Variants in PACRG observed in about 807,000 individuals in gnomAD.
PACRG encodes parkin coregulated gene protein.
Under a neutral mutation model 29.7 loss-of-function variants are expected in PACRG, and 29 were observed. The ratio of observed to expected loss-of-function variants is 0.98; its 90% CI spans 0.73 to 1.33. PACRG has a LOEUF of 1.33. Among genes scored for constraint, PACRG ranks in the 40% most tolerant of loss-of-function variants. The pLI, the probability that PACRG is intolerant of heterozygous loss-of-function variation, is 0.00. For missense variants in PACRG, 279 were observed against 316.2 expected, an observed-to-expected ratio of 0.88 and a Z score of 0.89; for synonymous variants, 116 against 118.7, an observed-to-expected ratio of 0.98 and a Z score of 0.15.
chr6:163,309,831 G>A lies in PACRG; in HGVS notation c.614-4996G>A, dbSNP rs150741881. Reference sequence around the variant, plus strand: ...TTCCCTTTGAGAGTGCGATGCTGCCGCTTCAGCCAGGACGTTCTCAAAATT... The same window carrying A: ...TTCCCTTTGAGAGTGCGATGCTGCCACTTCAGCCAGGACGTTCTCAAAATT... On this transcript the variant is annotated intron_variant, in intron 4 of 4. Coordinates refer to ENST00000366888, the MANE Select transcript of PACRG (RefSeq NM_001080379.2). Among the ~76,000 whole-genome samples, 3 of 152,282 alleles carry A rather than the reference G, an allele frequency of 2.0e-5. No individual in the cohort carries two copies. The East Asian group carries it at 5.8e-4, about 29-fold the overall frequency.
rs1473161289 is a variant in PACRG at position 162,777,107 on chromosome 6, A to G, written c.157-37040A>G. On this transcript the variant is annotated intron_variant, in intron 1 of 4. Transcript: ENST00000366888. The surrounding 1 kb of genome is among the most constrained non-coding windows in gnomAD (Gnocchi z 4.0). ...TAAAAAATAAAGTTGAAAAATAGCT[A>G]GCATTAAATCAACCAACTATTTCTC... Among the ~76,000 whole-genome samples the G allele has an allele frequency of 6.6e-6, 1 of 152,214 alleles. No homozygotes were observed. The highest frequency in any genetic ancestry group is 2.4e-5 in the African/African-American group (1 of 41,456).
chr6:162,790,551 T>C (rs1337112523), intron 1 of PACRG, among the ~76,000 whole-genome samples: 1 of 152,176 alleles, frequency 6.6e-6, no homozygotes, highest in Non-Finnish European at 1.5e-5. Context: ...ATTCCATACA[T>C]AGTTAATTCT....
chr6:163,250,500 G>A (rs1244880662), intron 4 of PACRG, among the ~76,000 whole-genome samples: 1 of 152,216 alleles, frequency 6.6e-6, no homozygotes, highest in Non-Finnish European at 1.5e-5. Flanking sequence ...TCTTTTATCA[G>A]TTCTAGGAGC....
At chr6:163,064,066 C>A in intron 3 of PACRG, among the ~76,000 whole-genome samples, 1 of 151,702 alleles carries the variant, frequency 6.6e-6, no homozygotes, top group Non-Finnish European at 1.5e-5. Context: ...AGAATAGCAG[C>A]AATATTCGGA....
chr6:163,034,625 C>T lies in PACRG; in HGVS notation c.292-27525C>T, dbSNP rs140964294. 6.3e-4 allele frequency among the ~76,000 whole-genome samples: 96 copies of T among 152,278 alleles called. 3 individuals are homozygous for T. In the East Asian group the frequency reaches 0.017, roughly 27 times the overall value. ...ATATGCACCCCACTTACCTGAAGGC[C>T]GCCAATCAGTGCCATAGTCTCTTTC... On this transcript the variant is annotated intron_variant, in intron 2 of 4. Transcript: ENST00000366888.
chr6:162,742,937 AG>A (rs1780710973), intron 1 of PACRG, among the ~76,000 whole-genome samples: 1 of 152,118 alleles, frequency 6.6e-6, no homozygotes, highest in Non-Finnish European at 1.5e-5. Flanking sequence ...TAATTTTTTG[AG>A]GGACCTCCGT....
intron 4 of PACRG, among the ~76,000 whole-genome samples, chr6:163,266,359 G>A (rs1783527553): frequency 2.0e-5 from 3 of 152,184 alleles, no homozygotes; most frequent in Non-Finnish European, 2.9e-5. Context: ...AAATAGAGGG[G>A]AGCGGTAATT....
At chr6:162,937,004 A>G (rs1798281645) in intron 2 of PACRG, among the ~76,000 whole-genome samples, 1 of 152,190 alleles carries the variant, frequency 6.6e-6, no homozygotes, top group Non-Finnish European at 1.5e-5. Context: ...TGAGAACGAG[A>G]TAAATGAGTT....
chr6:162,962,637 G>T (rs1457007738), intron 2 of PACRG, among the ~76,000 whole-genome samples: 1 of 152,180 alleles, frequency 6.6e-6, no homozygotes, highest in African/African-American at 2.4e-5. Context: ...CTGTCATCAA[G>T]CCAGGAAGAG....
chr6:163,228,299 G>A (rs1355582530), intron 4 of PACRG, among the ~76,000 whole-genome samples: 1 of 148,104 alleles, frequency 6.8e-6, no homozygotes, highest in African/African-American at 2.5e-5. Context: ...TGAGCCCAGA[G>A]GGTGTTCTTA....
chr6:163,073,285 A>G (rs571430531), intron 3 of PACRG, among the ~76,000 whole-genome samples: 109 of 152,186 alleles, frequency 7.2e-4, no homozygotes, highest in Non-Finnish European at 1.3e-3. Flanking sequence ...AAGTCCATAC[A>G]TCTACAGTGA....
intron 2 of PACRG, among the ~76,000 whole-genome samples, chr6:162,937,464 C>A (rs1431829058): frequency 1.3e-5 from 2 of 152,170 alleles, no homozygotes; most frequent in East Asian, 3.9e-4. Flanking sequence ...CACATGGAGG[C>A]CAAGAGACAC....
At chr6:162,852,005 G>GGAAGGAAAGGA (rs1562663902) in intron 2 of PACRG, among the ~76,000 whole-genome samples, 1,866 of 116,106 alleles carry the variant, frequency 0.016, 36 homozygotes, top group Non-Finnish European at 0.024. Flanking sequence ...GGGAGGGAGG[G>GGAAGGAAAGGA]AGGAAGGAAG....
In PACRG at chr6:163,066,506, G is replaced by A. The variant is rs139609919; in HGVS notation, c.463+4185G>A. On this transcript the variant is annotated intron_variant, in intron 3 of 4. Transcript: ENST00000366888. ...ATGTCTAAATAGTGGAGGGAAAAGA[G>A]TTTCAAAGCCACATGAAGTGTTGAA... Among the ~76,000 whole-genome samples, 570 of 152,272 alleles carry A rather than the reference G, an allele frequency of 3.7e-3. 4 individuals are homozygous for A. The highest frequency in any genetic ancestry group is 0.013 in the African/African-American group (527 of 41,540).
intron 4 of PACRG, among the ~76,000 whole-genome samples, chr6:163,220,100 T>C (rs940530923): frequency 1.3e-5 from 2 of 152,044 alleles, no homozygotes; most frequent in Non-Finnish European, 2.9e-5. Flanking sequence ...TGCCGTCTTT[T>C]CACCACCACC....
At chr6:162,759,336 A>G (rs1371165779) in intron 1 of PACRG, among the ~76,000 whole-genome samples, 1 of 152,130 alleles carries the variant, frequency 6.6e-6, no homozygotes, top group Non-Finnish European at 1.5e-5. Context: ...GGCATCTGAA[A>G]GTACATCTAT....
At chr6:162,869,388 T>A (rs928913205) in intron 2 of PACRG, among the ~76,000 whole-genome samples, 1 of 152,218 alleles carries the variant, frequency 6.6e-6, no homozygotes, top group African/African-American at 2.4e-5. Flanking sequence ...CCACGGTATA[T>A]TATTAGTTTT....
chr6:163,177,737 T>TTTTTTTTTTTTGG (rs1779447560), intron 4 of PACRG, among the ~76,000 whole-genome samples: 3 of 141,814 alleles, frequency 2.1e-5, no homozygotes, highest in Non-Finnish European at 3.0e-5. Flanking sequence ...TTTTTTTTTT[T>TTTTTTTTTTTTGG]GCGGGTGGGA....
intron 2 of PACRG, among the ~76,000 whole-genome samples, chr6:163,052,581 T>C (rs942310762): frequency 2.6e-5 from 4 of 152,178 alleles, no homozygotes; most frequent in African/African-American, 9.7e-5. Flanking sequence ...CATGCTATTC[T>C]TCTGATAGTG....
Sources: allele counts gnomAD v4.1 joint callset (sites outside exome capture counted in the v4.1 genomes callset), GRCh38; gene constraint gnomAD v4.1.1; non-coding constraint Gnocchi (gnomAD v3.1); transcripts MANE v1.5; gene names NCBI Gene and HGNC (gene_info 2026-07-23, HGNC 2026-07-21).